Variants in RBMS3 observed in about 807,000 individuals in gnomAD.
The protein encoded by RBMS3 is RNA-binding motif, single-stranded-interacting protein 3.
In RBMS3, 27 loss-of-function variants were observed where a neutral mutation model predicts 66.8. That is an observed-to-expected ratio of 0.40 (90% CI 0.30 to 0.56). The LOEUF (loss-of-function observed/expected upper bound fraction) is 0.56, where lower values mean the gene tolerates loss of function less well. Among genes scored for constraint, RBMS3 ranks in the 20% least tolerant of loss-of-function variants. RBMS3 has a pLI of 0.40. For missense variants in RBMS3, 513 were observed against 549.5 expected (o/e 0.93, Z 0.66); for synonymous variants, 188 against 183.0 (o/e 1.03, Z -0.22).
chr3:29,682,143 T>A (rs533617563), intron 4 of RBMS3, among the ~76,000 whole-genome samples: 2 of 145,202 alleles, frequency 1.4e-5, no homozygotes, highest in South Asian at 2.2e-4. Context: ...GGCAATTAGA[T>A]GTTTGTTTGT....
At chr3:29,655,418 A>G (rs2149219514) in intron 4 of RBMS3, among the ~76,000 whole-genome samples, 1 of 152,370 alleles carries the variant, frequency 6.6e-6, no homozygotes, top group East Asian at 1.9e-4. Context: ...CATGCACCAC[A>G]TAAAGATGTT....
At chr3:29,745,606 A>G (rs981166735) in intron 5 of RBMS3, among the ~76,000 whole-genome samples, 1 of 152,154 alleles carries the variant, frequency 6.6e-6, no homozygotes, top group Non-Finnish European at 1.5e-5. Flanking sequence ...GGACAGGGGG[A>G]GCAGGGGGAG....
chr3:29,697,994 A>C (rs1282672204), intron 4 of RBMS3, among the ~76,000 whole-genome samples: 1 of 152,196 alleles, frequency 6.6e-6, no homozygotes, highest in African/African-American at 2.4e-5. Context: ...TCCTTTTGTT[A>C]TACTGCTGAT....
chr3:29,862,918 A>T (rs561225634), intron 6 of RBMS3, among the ~76,000 whole-genome samples: 2 of 152,010 alleles, frequency 1.3e-5, no homozygotes, highest in Admixed American at 1.3e-4. Flanking sequence ...ATGGAAGGAT[A>T]CTAATAAAGA....
At chr3:29,521,909 A>T (rs2044875875) in intron 3 of RBMS3, among the ~76,000 whole-genome samples, 1 of 152,212 alleles carries the variant, frequency 6.6e-6, no homozygotes, top group African/African-American at 2.4e-5. Context: ...ACTAAAAGAT[A>T]GCTACTGTTG....
intron 4 of RBMS3, among the ~76,000 whole-genome samples, chr3:29,726,206 T>A (rs2053866002): frequency 6.6e-6 from 1 of 152,112 alleles, no homozygotes; most frequent in Non-Finnish European, 1.5e-5. Context: ...TTAGACCATA[T>A]CTCAAAATAA....
chr3:29,598,553 T>C (rs959571622), intron 4 of RBMS3, among the ~76,000 whole-genome samples: 7 of 152,010 alleles, frequency 4.6e-5, no homozygotes, highest in Admixed American at 2.0e-4. Context: ...CTCCCTTACT[T>C]AACTTCTAGA....
chr3:29,689,272 A>G (rs1434167519), intron 4 of RBMS3, among the ~76,000 whole-genome samples: 1 of 151,920 alleles, frequency 6.6e-6, no homozygotes, highest in Non-Finnish European at 1.5e-5. Context: ...AAAATTCATA[A>G]TTTCATAAAA....
intron 12 of RBMS3, among the ~76,000 whole-genome samples, chr3:29,952,617 T>G (rs1202783648): frequency 1.3e-5 from 2 of 151,864 alleles, no homozygotes; most frequent in African/African-American, 2.4e-5. Context: ...AATCTGCTGT[T>G]GATTTGTTTC....
chr3:29,679,709 T>G (rs1408687273), intron 4 of RBMS3, among the ~76,000 whole-genome samples: 1 of 151,644 alleles, frequency 6.6e-6, no homozygotes, highest in Admixed American at 6.6e-5. Context: ...AACAATTGAC[T>G]GTATATATAC....
chr3:29,474,975 A>G lies in RBMS3; in HGVS notation c.249-13466A>G, dbSNP rs536434583. Among the ~76,000 whole-genome samples, 136 of 152,326 alleles carry G rather than the reference A, an allele frequency of 8.9e-4. 1 individual carries two copies. The highest frequency in any genetic ancestry group is 6.8e-3 in the Middle Eastern group (2 of 294). ...ATCTGAGCTTAGTGGGGAAAAACTG[A>G]TATAGTATAAATAAGATATATAAAG... On this transcript the variant is annotated intron_variant, in intron 2 of 14. Transcript: ENST00000383767.
chr3:29,883,917 T>C (rs1689819989), intron 7 of RBMS3, among the ~76,000 whole-genome samples: 1 of 151,992 alleles, frequency 6.6e-6, no homozygotes, highest in South Asian at 2.1e-4. Flanking sequence ...AAAATGGAAA[T>C]CATCCAAGCT....
At chr3:29,695,647 A>G (rs1304905726) in intron 4 of RBMS3, among the ~76,000 whole-genome samples, 3 of 152,132 alleles carry the variant, frequency 2.0e-5, no homozygotes, top group East Asian at 3.9e-4. Context: ...AAAAATAACC[A>G]TTGTGAACTC....
intron 14 of RBMS3, among the ~76,000 whole-genome samples, chr3:29,998,327 T>A (rs1187802829): frequency 2.6e-5 from 4 of 152,044 alleles, no homozygotes; most frequent in East Asian, 1.9e-4. Context: ...TATCGTGAAA[T>A]TGGCCATACT....
chr3:29,654,809 G>A (rs1280683901), intron 4 of RBMS3, among the ~76,000 whole-genome samples: 1 of 150,894 alleles, frequency 6.6e-6, no homozygotes, highest in Non-Finnish European at 1.5e-5. Context: ...TGTTGACCAG[G>A]CTGGTCTCAA....
intron 7 of RBMS3, among the ~76,000 whole-genome samples, chr3:29,882,414 C>G (rs2059758012): frequency 6.6e-6 from 1 of 152,102 alleles, no homozygotes; most frequent in Non-Finnish European, 1.5e-5. Flanking sequence ...ATTTCTTTAA[C>G]ATGAATGAGA....
chr3:29,954,480 T>C (rs1003123001), intron 12 of RBMS3, among the ~76,000 whole-genome samples: 1 of 152,018 alleles, frequency 6.6e-6, no homozygotes, highest in Non-Finnish European at 1.5e-5. Context: ...TAGCTACAAG[T>C]TTAAGATTGT....
chr3:29,413,406 A>G (rs994773360), intron 1 of RBMS3, among the ~76,000 whole-genome samples: 1 of 151,222 alleles, frequency 6.6e-6, no homozygotes, highest in African/African-American at 2.4e-5. Context: ...ACATACATAC[A>G]TACATACATA....
chr3:29,516,230 A>C (rs1559428896), intron 3 of RBMS3, among the ~76,000 whole-genome samples: 1 of 152,208 alleles, frequency 6.6e-6, no homozygotes, highest in Non-Finnish European at 1.5e-5. Flanking sequence ...AGTTTTTACC[A>C]ATAAAATAAT....
Sources: allele counts gnomAD v4.1 joint callset (sites outside exome capture counted in the v4.1 genomes callset), GRCh38; gene constraint gnomAD v4.1.1; transcripts MANE v1.5; gene names NCBI Gene and HGNC (gene_info 2026-07-23, HGNC 2026-07-21).